SLC24A5: variants seen among roughly 807,000 people sequenced by gnomAD.
The protein encoded by SLC24A5 is solute carrier family 24 member 5, also known as sodium/potassium/calcium exchanger 5.
In SLC24A5, 46 loss-of-function variants were observed where a neutral mutation model predicts 51.6. The observed-to-expected ratio is 0.89, with a 90% CI of 0.70 to 1.14. The LOEUF is 1.14. SLC24A5 is among the 50% of genes most tolerant of loss of function. The pLI, the probability that SLC24A5 is intolerant of heterozygous loss-of-function variation, is 0.00. For missense variants in SLC24A5, 581 were observed against 604.1 expected, an observed-to-expected ratio of 0.96 and a Z score of 0.40; for synonymous variants, 230 against 214.9, an observed-to-expected ratio of 1.07 and a Z score of -0.62.
At chr15:48,121,236 G>A (rs772896042) in intron 1 of SLC24A5, 71 bp downstream of exon 1, 2 of 1,477,596 alleles carry the variant, frequency 1.4e-6, no homozygotes, top group Non-Finnish European at 1.8e-6. Flanking sequence ...ACAGATGAAG[G>A]GACAAAAAGA....
At chr15:48,130,326 A>G (rs1196047384) in intron 2 of SLC24A5, among the ~76,000 whole-genome samples, 1 of 152,208 alleles carries the variant, frequency 6.6e-6, no homozygotes, top group Non-Finnish European at 1.5e-5. Flanking sequence ...TCTAAAGTTC[A>G]GAGGTATAAA....
intron 6 of SLC24A5, 26 bp from the exon 7 acceptor site, chr15:48,138,943 A>T: frequency 6.4e-7 from 1 of 1,572,348 alleles, no homozygotes; most frequent in Non-Finnish European, 8.7e-7. Flanking sequence ...GAGAAAACTC[A>T]AAAGTGTTTA....
At chr15:48,131,403 G>A (rs2038788454) in intron 2 of SLC24A5, among the ~76,000 whole-genome samples, 1 of 152,064 alleles carries the variant, frequency 6.6e-6, no homozygotes, top group Non-Finnish European at 1.5e-5. Flanking sequence ...CTAAATGTTG[G>A]AGGTGGGGAG....
intron 2 of SLC24A5, among the ~76,000 whole-genome samples, chr15:48,131,100 A>T (rs921553001): frequency 5.3e-5 from 8 of 152,162 alleles, no homozygotes; most frequent in Non-Finnish European, 7.4e-5. Context: ...GTACACCATG[A>T]ATATATTATT....
Position 48,141,201 on chromosome 15 carries a change from G to C in SLC24A5, c.1167G>C (p.Leu389Phe). ...TACCAGACACAATTGCAAGTGTGTTGGTTGCAAGAAAAGGTAAGAACTAGG... is the reference window on the plus strand; with the variant it reads ...TACCAGACACAATTGCAAGTGTGTTCGTTGCAAGAAAAGGTAAGAACTAGG... The part of the protein sequence containing the change: ...TSIPDTIASV[L>F]VARKGKGDMA... The change falls in exon 8 of 9, where the codon TTG (leucine) becomes TTC (phenylalanine). Residue 389 changes from leucine to phenylalanine, a missense_variant. Transcript: ENST00000341459. The C allele has an allele frequency of 3.7e-6, 6 of 1,612,786 alleles. No homozygotes were observed. The highest frequency in any genetic ancestry group is 5.1e-6 in the Non-Finnish European group (6 of 1,178,892).
chr15:48,124,103 A>C (rs577247811), intron 2 of SLC24A5: 1 of 152,136 alleles, frequency 6.6e-6, no homozygotes, highest in African/African-American at 2.4e-5. Flanking sequence ...TTTTGTGTTT[A>C]TCACATTGAA....
In SLC24A5 at chr15:48,134,506, A is replaced by G. The variant is rs920604977; in HGVS notation, c.457A>G (p.Ile153Val). ...ATCTGCAATTTATAATCTCCTTGGC[A>G]TCTGTGCTGCCTGTGGTTTGCTATC... The part of the protein sequence containing the change: ...LGSAIYNLLG[I>V]CAACGLLSNT... Residue 153 changes from isoleucine (I) to valine (V), a missense_variant, in exon 4 of 9, where the codon ATC becomes GTC. By Grantham distance (29) the Ile-to-Val change is conservative. Coordinates refer to ENST00000341459, the MANE Select transcript of SLC24A5 (RefSeq NM_205850.3). The G allele has an allele frequency of 1.2e-6, 2 of 1,613,384 alleles. No individual in the cohort carries two copies. The highest frequency in any genetic ancestry group is 1.7e-6 in the Non-Finnish European group (2 of 1,179,524).
chr15:48,126,195 T>C (rs954701312), intron 2 of SLC24A5, among the ~76,000 whole-genome samples: 7 of 152,092 alleles, frequency 4.6e-5, no homozygotes, highest in Non-Finnish European at 8.8e-5. Flanking sequence ...ATCATAAAAG[T>C]CACACACCCT....
intron 7 of SLC24A5, chr15:48,140,890 T>C: frequency 2.5e-6 from 1 of 406,832 alleles, no homozygotes; most frequent in Non-Finnish European, 4.5e-6. Flanking sequence ...CTGTTACGTA[T>C]CTTTAGATAT....
At chr15:48,123,418 T>G (rs1442699856) in intron 2 of SLC24A5, 1 of 152,144 alleles carries the variant, frequency 6.6e-6, no homozygotes, top group Non-Finnish European at 1.5e-5. Flanking sequence ...TCTTGCTTTA[T>G]ATACAGTTTG....
At position 48,136,953 on chromosome 15, in the gene SLC24A5, G is replaced by C. The variant is rs373109494; in HGVS notation, c.861G>C (p.Gln287His). 9 of 1,604,888 alleles carry C rather than the reference G, an allele frequency of 5.6e-6. No homozygotes were observed. Among genetic ancestry groups the C allele is most frequent in the Non-Finnish European group, 7.7e-6 (9 of 1,173,680 alleles). ...QLSISLHGLS[Q>H]VSEDPPSVFN... is the part of the protein sequence containing the mutation. ...CTATAAGTTTACATGGCCTTAGTCA[G>C]GTTTCTGAAGGTAATCACTAAATCT... Residue 287 changes from glutamine to histidine, a missense_variant, in exon 6 of 9, where the codon CAG (glutamine) becomes CAC (histidine). Transcript: ENST00000341459.
At chr15:48,127,403 C>T (rs2038742717) in intron 2 of SLC24A5, among the ~76,000 whole-genome samples, 1 of 152,082 alleles carries the variant, frequency 6.6e-6, no homozygotes, top group Admixed American at 6.5e-5. Context: ...AACTTGAACA[C>T]CAAATTTAAG....
chr15:48,136,933 A>C lies in SLC24A5; in HGVS notation c.841A>C (p.Ser281Arg). 1 of 1,613,344 alleles carries C rather than the reference A, an allele frequency of 6.2e-7. No individual in the cohort carries two copies. ...TTCTGGCTACTCTCAGCTCTCTATA[A>C]GTTTACATGGCCTTAGTCAGGTTTC... ...EDSGYSQLSI[S>R]LHGLSQVSED... The change falls in exon 6 of 9, where the codon AGT becomes CGT. Residue 281 changes from serine to arginine, a missense_variant. Physicochemically the swap from Ser to Arg is moderately radical, Grantham distance 110. Transcript: ENST00000341459.
intron 4 of SLC24A5, 76 bp from the exon 5 acceptor site, chr15:48,134,808 C>T: frequency 3.5e-6 from 4 of 1,137,426 alleles, no homozygotes; most frequent in Non-Finnish European, 5.1e-6. Flanking sequence ...AATATATAAA[C>T]AATTTTAGTA....
At chr15:48,124,383 G>A (rs2038710323) in intron 2 of SLC24A5, 1 of 151,326 alleles carries the variant, frequency 6.6e-6, no homozygotes, top group Admixed American at 6.6e-5. Context: ...TCCCAACTCT[G>A]TTCTAATAAC....
At chr15:48,136,470 A>T in intron 5 of SLC24A5, 1 of 393,386 alleles carries the variant, frequency 2.5e-6, no homozygotes, top group Non-Finnish European at 4.4e-6. Flanking sequence ...TTAAAAAAAA[A>T]AAAACAACAC....
intron 2 of SLC24A5, among the ~76,000 whole-genome samples, chr15:48,131,745 A>G (rs534520563): frequency 6.6e-6 from 1 of 152,270 alleles, no homozygotes; most frequent in Admixed American, 6.5e-5. Flanking sequence ...TACAATGTAA[A>G]CTACAAAAAT....
At position 48,142,352 on chromosome 15, in the gene SLC24A5, T is replaced by C. The variant is rs746942320; in HGVS notation, c.*1T>C. On this transcript the variant is annotated 3_prime_UTR_variant, in exon 9 of 9. Coordinates refer to ENST00000341459, the MANE Select transcript of SLC24A5 (RefSeq NM_205850.3). ...TAAAATAAGGGGCTGTGGAGGTTGATATTATTAATAGTGTTATGCAGAAAA... is the reference window on the plus strand; with the variant it reads ...TAAAATAAGGGGCTGTGGAGGTTGACATTATTAATAGTGTTATGCAGAAAA... 6.4e-7 allele frequency: 1 copy of C among 1,574,666 alleles called. No homozygotes were observed. Among genetic ancestry groups the C allele is most frequent in the Non-Finnish European group, 8.7e-7 (1 of 1,155,218 alleles).
In SLC24A5 at chr15:48,136,766, T is replaced by TA; in HGVS notation, c.677dup (p.Lys227GlufsTer17). The TA allele has an allele frequency of 6.2e-7, 1 of 1,613,568 alleles. No homozygotes were observed. The highest frequency in any genetic ancestry group is 8.5e-7 in the Non-Finnish European group (1 of 1,179,764). On this transcript the variant is annotated frameshift_variant, in exon 6 of 9. Coordinates refer to ENST00000341459, the MANE Select transcript of SLC24A5 (RefSeq NM_205850.3). LOFTEE classifies it high-confidence loss of function. ...GACATTAAAATTAACCAATATATTA[T>TA]AAAGAAATGCAGTCCTTGCTGCGCC...
Sources: gnomAD v4.1 joint callset for allele counts (sites outside exome capture counted in the v4.1 genomes callset) on GRCh38, gnomAD v4.1.1 for gene constraint, MANE v1.5 for transcripts, NCBI Gene and HGNC (gene_info 2026-07-23, HGNC 2026-07-21) for gene names.